CERS3: variants seen among roughly 807,000 people sequenced by gnomAD.
CERS3 encodes the protein LAG1 homolog, ceramide synthase 3.
In CERS3, 33 loss-of-function variants were observed where a neutral mutation model predicts 50.3. That is an observed-to-expected ratio of 0.66 (90% CI 0.50 to 0.88). The LOEUF (loss-of-function observed/expected upper bound fraction) is 0.88, where lower values mean the gene tolerates loss of function less well. CERS3 is among the 40% of genes least tolerant of loss of function. CERS3 has a pLI of 0.00. For synonymous variants in CERS3, 176 were observed against 155.2 expected (o/e 1.13, Z -0.99); for missense variants, 470 against 460.3 (o/e 1.02, Z -0.19).
intron 11 of CERS3, among the ~76,000 whole-genome samples, chr15:100,417,070 G>A (rs2031969812): frequency 6.6e-6 from 1 of 152,182 alleles, no homozygotes; most frequent in Non-Finnish European, 1.5e-5. Context: ...AAAGAAAATA[G>A]TGGAGGAGCC....
At chr15:100,479,395 A>G (rs947713753) in intron 7 of CERS3, 33 bp downstream of exon 7, 5 of 1,530,896 alleles carry the variant, frequency 3.3e-6, no homozygotes, top group African/African-American at 2.8e-5. Flanking sequence ...TTGGTGTTCA[A>G]GTAAGGGGAG....
At chr15:100,431,613 G>T (rs959063960) in intron 11 of CERS3, among the ~76,000 whole-genome samples, 2 of 152,174 alleles carry the variant, frequency 1.3e-5, no homozygotes, top group African/African-American at 4.8e-5. Flanking sequence ...CCAGTAAATG[G>T]AGTGGCACCA....
chr15:100,509,072 G>A (rs7179382), intron 2 of CERS3, among the ~76,000 whole-genome samples: 149,759 of 152,330 alleles, frequency 0.98, 73,666 homozygotes, highest in Middle Eastern at 1. Context: ...GAATTCTTAA[G>A]CCCTATTTTT....
Position 100,496,882 on chromosome 15 carries a change from C to T in CERS3, c.173+4795G>A, listed in dbSNP as rs549943814. ...CGATGGAAGTTGAATAAAAACTCTC[C>T]TAAGATAATCTGATTAAATGTATGT... On this transcript the variant is annotated intron_variant, in intron 3 of 11. Transcript: ENST00000679737. 2.0e-5 allele frequency among the ~76,000 whole-genome samples: 3 copies of T among 152,158 alleles called. No homozygotes were observed. In the East Asian group the frequency reaches 5.8e-4, roughly 29 times the overall value.
chr15:100,472,638 C>T (rs914292960), intron 9 of CERS3, among the ~76,000 whole-genome samples: 1 of 152,180 alleles, frequency 6.6e-6, no homozygotes, highest in Non-Finnish European at 1.5e-5. Context: ...TCCATTCCTT[C>T]TTCAAATATC....
rs375271824 is a variant in CERS3, at chr15:100,417,873, C to G, written c.1000-15008G>C. On this transcript the variant is annotated intron_variant, in intron 11 of 11. Transcript: ENST00000679737. Reference sequence around the variant, plus strand: ...CAACAGACCTGCAGCTGAGGGTCCTCTCTGTTAGAAGGAAAACTAACAAAC... The same window carrying G: ...CAACAGACCTGCAGCTGAGGGTCCTGTCTGTTAGAAGGAAAACTAACAAAC... Among the ~76,000 whole-genome samples the G allele has an allele frequency of 2.3e-3, 350 of 151,670 alleles. 3 individuals are homozygous for G. Among genetic ancestry groups the G allele is most frequent in the African/African-American group, 6.5e-3 (266 of 41,214 alleles).
intron 5 of CERS3, among the ~76,000 whole-genome samples, chr15:100,480,869 G>T (rs1414778203): frequency 2.6e-5 from 4 of 152,152 alleles, no homozygotes; most frequent in Admixed American, 1.3e-4. Context: ...AGGTGTAGTG[G>T]GGATAGAGAG....
intron 10 of CERS3, among the ~76,000 whole-genome samples, chr15:100,464,694 T>C (rs149174433): frequency 6.6e-6 from 1 of 152,160 alleles, no homozygotes; most frequent in South Asian, 2.1e-4. Flanking sequence ...AATTCCAAAC[T>C]AGAGAAATCA....
intron 11 of CERS3, among the ~76,000 whole-genome samples, chr15:100,441,220 C>T (rs2033668096): frequency 6.6e-6 from 1 of 151,722 alleles, no homozygotes; most frequent in Non-Finnish European, 1.5e-5. Flanking sequence ...CTTATTTCTG[C>T]ACCCCAACCT....
At chr15:100,476,662 A>G (rs902937692) in intron 7 of CERS3, among the ~76,000 whole-genome samples, 7 of 152,206 alleles carry the variant, frequency 4.6e-5, no homozygotes, top group Non-Finnish European at 2.9e-5. Flanking sequence ...ATGCATAATT[A>G]TTTAAGAACT....
intron 1 of CERS3, among the ~76,000 whole-genome samples, chr15:100,540,092 C>T (rs2037163450): frequency 6.6e-6 from 1 of 152,190 alleles, no homozygotes; most frequent in African/African-American, 2.4e-5. Context: ...TCAATCCCTA[C>T]CCCATGTGCC....
chr15:100,471,568 G>A (rs1474858922), intron 9 of CERS3, among the ~76,000 whole-genome samples: 1 of 152,050 alleles, frequency 6.6e-6, no homozygotes, highest in Non-Finnish European at 1.5e-5. Context: ...CTTAAGTCGG[G>A]GCCAGTGTGG....
At chr15:100,490,791 T>G (rs774162438) in intron 4 of CERS3, 26 bp downstream of exon 4, 25 of 1,414,400 alleles carry the variant, frequency 1.8e-5, no homozygotes, top group Non-Finnish European at 2.5e-5. Context: ...GATTTTTAAG[T>G]CGAAAAGCAA....
intron 1 of CERS3, among the ~76,000 whole-genome samples, chr15:100,528,329 A>G (rs1385097152): frequency 6.6e-6 from 1 of 152,152 alleles, no homozygotes; most frequent in East Asian, 1.9e-4. Flanking sequence ...TCTCAGCTTA[A>G]GGCACTCTGG....
At chr15:100,451,732 A>G (rs1276985738) in intron 11 of CERS3, among the ~76,000 whole-genome samples, 1 of 137,578 alleles carries the variant, frequency 7.3e-6, no homozygotes, top group African/African-American at 2.5e-5. Flanking sequence ...CAAAACAAAC[A>G]AAAAACCAAA....
At chr15:100,407,387 G>A (rs975973586) in intron 11 of CERS3, among the ~76,000 whole-genome samples, 7 of 152,204 alleles carry the variant, frequency 4.6e-5, no homozygotes, top group African/African-American at 1.4e-4. Context: ...AAAGGTTAGA[G>A]AATACTACTG....
chr15:100,489,380 T>A (rs929412031), intron 4 of CERS3, among the ~76,000 whole-genome samples: 6 of 152,170 alleles, frequency 3.9e-5, no homozygotes, highest in African/African-American at 1.4e-4. Context: ...TACCACCCTA[T>A]AAACCTTTTC....
At chr15:100,521,468 C>T (rs369369042) in intron 2 of CERS3, among the ~76,000 whole-genome samples, 199 bp downstream of exon 2, 2 of 152,108 alleles carry the variant, frequency 1.3e-5, no homozygotes, top group African/African-American at 4.8e-5. Flanking sequence ...CCTGCATCTC[C>T]GCTTTCAAAA....
At position 100,402,756 on chromosome 15, in the gene CERS3, C is replaced by T. The variant is rs199572545; in HGVS notation, c.1109G>A (p.Arg370Lys). The change falls in exon 12 of 12, where the codon AGG becomes AAG. Residue 370 changes from arginine (R) to lysine (K), a missense_variant. Physicochemically the swap from Arg to Lys is conservative, Grantham distance 26. Transcript: ENST00000679737. ...ATTGGGAATGAGGTGCCTCTCAGCC[C>T]TGAGGCCGTTCTTTAAACAATCCAT... ...KEMDCLKNGL[R>K]AERHLIPNGQ... is the part of the protein sequence containing the mutation. 1 of 1,614,138 alleles carries T rather than the reference C, an allele frequency of 6.2e-7. No individual in the cohort carries two copies.
Sources: gnomAD v4.1 joint callset for allele counts (sites outside exome capture counted in the v4.1 genomes callset) on GRCh38, gnomAD v4.1.1 for gene constraint, MANE v1.5 for transcripts, NCBI Gene and HGNC (gene_info 2026-07-23, HGNC 2026-07-21) for gene names.